OXSR1: variants seen among roughly 807,000 people sequenced by gnomAD.
The protein encoded by OXSR1 is oxidative stress responsive kinase 1, also known as serine/threonine-protein kinase OSR1.
Under a neutral mutation model 79.8 loss-of-function variants are expected in OXSR1, and 24 were observed. The observed-to-expected ratio is 0.30, with a 90% CI of 0.22 to 0.42. OXSR1 has a LOEUF of 0.42. Among genes scored for constraint, OXSR1 ranks in the 10% least tolerant of loss-of-function variants. The pLI is 1.00. For missense variants in OXSR1, 430 were observed against 618.4 expected (o/e 0.70, Z 3.23); for synonymous variants, 226 against 209.2 (o/e 1.08, Z -0.69).
intron 2 of OXSR1, among the ~76,000 whole-genome samples, chr3:38,185,767 A>AC (rs947638234): frequency 1.3e-5 from 2 of 151,742 alleles, no homozygotes; most frequent in Non-Finnish European, 1.5e-5. Context: ...ACGTGGTGAG[A>AC]CCCCATCTCT....
At position 38,229,779 on chromosome 3, in the gene OXSR1, C is replaced by T. The variant is rs1439259255; in HGVS notation, c.885+44C>T. On this transcript the variant is annotated intron_variant, in intron 9 of 17. Transcript: ENST00000311806. ...TGATTATGTGTGTTCATAGGATGCT[C>T]CTCAATTACTCAGATTATGTTCAGT... 5.0e-6 allele frequency: 7 copies of T among 1,391,398 alleles called. No individual in the cohort carries two copies. The South Asian group carries it at 5.9e-5, about 12-fold the overall frequency. 86.2% of individuals were successfully genotyped at this position (1,391,398 alleles called of 1,614,324 possible).
intron 11 of OXSR1, among the ~76,000 whole-genome samples, chr3:38,240,730 C>T (rs965045357): frequency 3.3e-5 from 5 of 150,500 alleles, no homozygotes; most frequent in African/African-American, 9.8e-5. Flanking sequence ...CATAAGGACA[C>T]AAGCGCCAGC....
Position 38,253,048 on chromosome 3 carries a change from T to C in OXSR1, c.*157T>C, listed in dbSNP as rs1559531759. The C allele has an allele frequency of 8.2e-6, 5 of 611,462 alleles. No homozygotes were observed. In the East Asian group the frequency reaches 1.4e-4, roughly 17 times the overall value. 37.9% of individuals were successfully genotyped at this position (611,462 alleles called of 1,614,324 possible). A position where few individuals can be genotyped will look rare whatever the true frequency, so the allele number is the denominator to read the frequency against. Reference sequence around the variant, plus strand: ...ATGTTCTTCCTGCCATCATTCCTCCTTTTCCCACAGGGAAAGAAAAGTTGG... The same window carrying C: ...ATGTTCTTCCTGCCATCATTCCTCCCTTTCCCACAGGGAAAGAAAAGTTGG... On this transcript the variant is annotated 3_prime_UTR_variant, in exon 18 of 18. Transcript: ENST00000311806.
chr3:38,165,594 C>CTT lies in OXSR1; in HGVS notation c.-282_-281dup, dbSNP rs1373880841. 2.4e-6 allele frequency: 1 copy of CTT among 419,390 alleles called. No homozygotes were observed. The highest frequency in any genetic ancestry group is 2.1e-5 in the African/African-American group (1 of 46,874). The allele number at this position is 419,390 out of a possible 1,614,324, so 26.0% of individuals were successfully genotyped here. On this transcript the variant is annotated 5_prime_UTR_variant, in exon 1 of 18. Coordinates refer to ENST00000311806, the MANE Select transcript of OXSR1 (RefSeq NM_005109.3). ...ACAGAGGGGCTGGGCCCAGGCAAAG[C>CTT]TTCTGTCGCTGCTGCTGCGGAGGCC...
chr3:38,214,074 C>T (rs753396279), intron 4 of OXSR1, among the ~76,000 whole-genome samples: 28 of 151,598 alleles, frequency 1.8e-4, no homozygotes, highest in Non-Finnish European at 3.5e-4. Context: ...ATAACCCCGA[C>T]GTTTGGAACA....
At chr3:38,244,818 G>A (rs1703108362) in intron 12 of OXSR1, among the ~76,000 whole-genome samples, 2 of 152,154 alleles carry the variant, frequency 1.3e-5, no homozygotes, top group South Asian at 4.1e-4. Context: ...ATACCTAGAA[G>A]TGGAATTGCT....
At chr3:38,235,268 C>G (rs1371611012) in intron 10 of OXSR1, among the ~76,000 whole-genome samples, 1 of 152,026 alleles carries the variant, frequency 6.6e-6, no homozygotes, top group Non-Finnish European at 1.5e-5. Context: ...TTTAGAGAAC[C>G]AGGACCAGTA....
intron 3 of OXSR1, among the ~76,000 whole-genome samples, chr3:38,192,738 G>A (rs950750720): frequency 3.9e-5 from 6 of 152,276 alleles, no homozygotes; most frequent in Non-Finnish European, 8.8e-5. Flanking sequence ...ATGCCATTTG[G>A]TAAATTAGTC....
intron 10 of OXSR1, among the ~76,000 whole-genome samples, chr3:38,233,651 G>T (rs1702857196): frequency 2.6e-5 from 4 of 152,154 alleles, no homozygotes; most frequent in Admixed American, 2.6e-4. Context: ...GGTAGCCCAT[G>T]CCTGTAAATC....
At chr3:38,230,342 A>G (rs773696203) in intron 9 of OXSR1, 23 bp from the exon 10 acceptor site, 5 of 1,509,766 alleles carry the variant, frequency 3.3e-6, no homozygotes, top group Admixed American at 1.8e-5. Context: ...TGTAAGAACA[A>G]AATACTTACT....
Position 38,178,602 on chromosome 3 carries a change from CTATA to C in OXSR1, c.71-4385_71-4382del, listed in dbSNP as rs1286921432. Among the ~76,000 whole-genome samples, 83 of 91,008 alleles carry C rather than the reference CTATA, an allele frequency of 9.1e-4. 1 individual carries two copies. The highest frequency in any genetic ancestry group is 9.5e-4 in the East Asian group (3 of 3,160). 59.7% of individuals were successfully genotyped at this position (91,008 alleles called of 152,430 possible). A position where few individuals can be genotyped will look rare whatever the true frequency, so the allele number is the denominator to read the frequency against. On this transcript the variant is annotated intron_variant, in intron 1 of 17. Coordinates refer to ENST00000311806, the MANE Select transcript of OXSR1 (RefSeq NM_005109.3). ...TGCAGGCCTGCATCACCATATCCAG[CTATA>C]TATATATATATATATTTTTTTTTTT... is the stretch of plus-strand genomic sequence containing the variant.
At chr3:38,227,924 G>A (rs1307244449) in intron 8 of OXSR1, among the ~76,000 whole-genome samples, 1 of 152,186 alleles carries the variant, frequency 6.6e-6, no homozygotes, top group Non-Finnish European at 1.5e-5. Context: ...CAGAGAAAAT[G>A]CAGTCATGTG....
intron 14 of OXSR1, among the ~76,000 whole-genome samples, chr3:38,249,671 T>C (rs1355939983): frequency 1.3e-5 from 2 of 152,172 alleles, no homozygotes; most frequent in African/African-American, 4.8e-5. Context: ...TAGTTTTATA[T>C]GTTCTTGGTG....
intron 1 of OXSR1, among the ~76,000 whole-genome samples, chr3:38,178,893 T>G (rs1167773926): frequency 6.6e-6 from 1 of 152,006 alleles, no homozygotes; most frequent in Non-Finnish European, 1.5e-5. Flanking sequence ...AGATGGAGTC[T>G]CTCTCTGTCA....
chr3:38,238,126 A>G (rs1000033372), intron 11 of OXSR1, among the ~76,000 whole-genome samples: 1 of 152,156 alleles, frequency 6.6e-6, no homozygotes, highest in East Asian at 1.9e-4. Context: ...AACCTAATAC[A>G]TTGGTATCTA....
chr3:38,210,047 G>A (rs1031057578), intron 4 of OXSR1, among the ~76,000 whole-genome samples: 11 of 151,808 alleles, frequency 7.2e-5, no homozygotes, highest in African/African-American at 2.4e-4. Flanking sequence ...CAGGATTCTA[G>A]GTTGGTTTTT....
rs746584164 is a variant in OXSR1 at position 38,216,076 on chromosome 3, C to CTT, written c.435-6_435-5dup. ...AGAATAGATGTTTTTTGATACATAA[C>CTT]TTTTTTTTTTTTTTTAAAGAGATGT... is the stretch of plus-strand genomic sequence containing the variant. On this transcript the variant is annotated intron_variant, in intron 4 of 17. Transcript: ENST00000311806. 3.2e-3 allele frequency: 3,964 copies of CTT among 1,257,746 alleles called. No homozygotes were observed. Among genetic ancestry groups the CTT allele is most frequent in the Middle Eastern group, 4.0e-3 (16 of 4,024 alleles). 77.9% of individuals were successfully genotyped at this position (1,257,746 alleles called of 1,614,324 possible). A position where few individuals can be genotyped will look rare whatever the true frequency, so the allele number is the denominator to read the frequency against.
chr3:38,228,887 A>G (rs1420654479), intron 8 of OXSR1, among the ~76,000 whole-genome samples: 1 of 152,084 alleles, frequency 6.6e-6, no homozygotes, highest in Non-Finnish European at 1.5e-5. Context: ...TGGGATTTTT[A>G]CATTCTTCCC....
At chr3:38,198,308 T>A (rs1462581353) in intron 3 of OXSR1, among the ~76,000 whole-genome samples, 2 of 152,242 alleles carry the variant, frequency 1.3e-5, no homozygotes, top group African/African-American at 4.8e-5. Flanking sequence ...TCGCTCCTGA[T>A]TTGATTGGCA....
Sources: allele counts gnomAD v4.1 joint callset (sites outside exome capture counted in the v4.1 genomes callset), GRCh38; gene constraint gnomAD v4.1.1; transcripts MANE v1.5; gene names NCBI Gene and HGNC (gene_info 2026-07-23, HGNC 2026-07-21).